The following DPYS variants were observed in gnomAD, a reference collection of about 807,000 sequenced individuals.
DPYS encodes dihydropyrimidine amidohydrolase.
In DPYS, 39 loss-of-function variants were observed where a neutral mutation model predicts 50.3. The ratio of observed to expected loss-of-function variants is 0.78; its 90% confidence interval spans 0.60 to 1.01. The LOEUF (loss-of-function observed/expected upper bound fraction) is 1.01. Among genes scored for constraint, DPYS ranks in the 50% least tolerant of loss-of-function variants. The pLI, the probability that DPYS is intolerant of heterozygous loss-of-function variation, is 0.00. For synonymous variants in DPYS, 245 were observed against 250.7 expected, an observed-to-expected ratio of 0.98 and a Z score of 0.22; for missense variants, 659 against 680.9, an observed-to-expected ratio of 0.97 and a Z score of 0.36.
In DPYS at chr8:104,386,018, A is replaced by G. The variant is rs570310917; in HGVS notation, c.1444-4704T>C. On this transcript the variant is annotated intron_variant, in intron 8 of 9. Coordinates refer to ENST00000351513, the MANE Select transcript of DPYS (RefSeq NM_001385.3). ...TAGGTGGCACCTCACCTAGCAGGAC[A>G]TCGGTGGTTTACTTTGGTAAATGAG... Among the ~76,000 whole-genome samples the G allele has an allele frequency of 2.0e-5, 3 of 152,354 alleles. No individual in the cohort carries two copies. The South Asian group carries it at 6.2e-4, about 32-fold the overall frequency.
In DPYS at chr8:104,379,724, C is replaced by G; in HGVS notation, c.*134G>C. ...TGCTTCTGAAAGAAAATCAAAGAAG[C>G]CTATAGTGGTGAATTTTTTCTAAAG... On this transcript the variant is annotated 3_prime_UTR_variant, in exon 10 of 10. Transcript: ENST00000351513. 3 of 450,796 alleles carry G rather than the reference C, an allele frequency of 6.7e-6. No homozygotes were observed. Among genetic ancestry groups the G allele is most frequent in the Middle Eastern group, 3.3e-4 (1 of 3,060 alleles). The allele number at this position is 450,796 out of a possible 1,614,324, so 27.9% of individuals were successfully genotyped here.
At chr8:104,395,673 C>T (rs918523019) in intron 7 of DPYS, among the ~76,000 whole-genome samples, 2 of 152,168 alleles carry the variant, frequency 1.3e-5, no homozygotes, top group Non-Finnish European at 2.9e-5. Context: ...TATGGACATA[C>T]CGCAGTGCTA....
rs763914910 is a variant in DPYS at position 104,424,318 on chromosome 8, G to A, written c.1164C>T (p.Leu388=). Residue 388 remains leucine (L), a synonymous_variant, in exon 7 of 10, where the codon CTC becomes CTT. Coordinates refer to ENST00000351513, the MANE Select transcript of DPYS (RefSeq NM_001385.3). ...CAGCTATTCTTCCTTTTCTTGGATA[G>A]AGATTAAAAATTTTGGCTGCATTTG... The part of the protein sequence containing the change: ...TSTNAAKIFN[L]YPRKGRIAVG... 3 of 1,614,100 alleles carry A rather than the reference G, an allele frequency of 1.9e-6. No homozygotes were observed. In the East Asian group the frequency reaches 6.7e-5, roughly 36 times the overall value.
At chr8:104,397,655 T>A (rs1811639389) in intron 7 of DPYS, among the ~76,000 whole-genome samples, 1 of 152,234 alleles carries the variant, frequency 6.6e-6, no homozygotes, top group South Asian at 2.1e-4. Context: ...CTAATACCTA[T>A]AAATACTTGG....
chr8:104,463,311 T>C (rs1421076665), intron 1 of DPYS, among the ~76,000 whole-genome samples: 1 of 152,252 alleles, frequency 6.6e-6, no homozygotes, highest in Non-Finnish European at 1.5e-5. Flanking sequence ...CTTATTTTGA[T>C]AACCTTAACT....
intron 4 of DPYS, among the ~76,000 whole-genome samples, chr8:104,439,589 C>A (rs1226078953): frequency 6.6e-6 from 1 of 152,084 alleles, no homozygotes; most frequent in Non-Finnish European, 1.5e-5. Flanking sequence ...TCAAGACCAG[C>A]TTGAACAACA....
chr8:104,446,489 T>C (rs1456395403), intron 3 of DPYS, among the ~76,000 whole-genome samples: 3 of 152,236 alleles, frequency 2.0e-5, no homozygotes, highest in Non-Finnish European at 4.4e-5. Context: ...ATTGGACCTG[T>C]TATCTTTCTT....
chr8:104,409,306 G>A (rs1217775135), intron 7 of DPYS, among the ~76,000 whole-genome samples: 1 of 151,252 alleles, frequency 6.6e-6, no homozygotes. Flanking sequence ...CCAACATAGT[G>A]AAACCCCGTC....
intron 6 of DPYS, among the ~76,000 whole-genome samples, chr8:104,424,701 G>A (rs1315134692): frequency 2.0e-5 from 3 of 152,032 alleles, no homozygotes; most frequent in African/African-American, 4.8e-5. Flanking sequence ...TGGTATTTTC[G>A]ATTCTCCTTT....
rs544948454 is a variant in DPYS at position 104,448,443 on chromosome 8, T to A, written c.424-940A>T. ...AGTGCTGGAATTACAGGCATGAGCC[T>A]CCGCGCCCAGCCTCAATAATTGCTT... On this transcript the variant is annotated intron_variant, in intron 2 of 9. Coordinates refer to ENST00000351513, the MANE Select transcript of DPYS (RefSeq NM_001385.3). 1.2e-4 allele frequency among the ~76,000 whole-genome samples: 18 copies of A among 152,190 alleles called. No homozygotes were observed. In the East Asian group the frequency reaches 3.5e-3, roughly 30 times the overall value.
intron 8 of DPYS, among the ~76,000 whole-genome samples, chr8:104,389,198 C>T (rs1410477657): frequency 1.3e-5 from 2 of 152,206 alleles, no homozygotes; most frequent in African/African-American, 2.4e-5. Flanking sequence ...GTAGGGACAA[C>T]AGATAAGCAA....
At chr8:104,413,423 G>T (rs191503747) in intron 7 of DPYS, among the ~76,000 whole-genome samples, 1 of 151,902 alleles carries the variant, frequency 6.6e-6, no homozygotes, top group African/African-American at 2.4e-5. Flanking sequence ...CACCAAATTG[G>T]GTAGTTGTTG....
rs905143037 is a variant in DPYS at position 104,466,798 on chromosome 8, A to G, written c.123T>C (p.Pro41=). The change falls in exon 1 of 10, where the codon CCT becomes CCC. Residue 41 remains proline, a synonymous_variant. Transcript: ENST00000351513. ...VVRALGHDLL[P]PGGAPAGLRV... ...GCAGCCCCGCAGGAGCGCCCCCGGG[A>G]GGCAGCAGGTCGTGCCCGAGTGCCC... 35 of 1,534,012 alleles carry G rather than the reference A, an allele frequency of 2.3e-5. No individual in the cohort carries two copies. The highest frequency in any genetic ancestry group is 3.1e-5 in the Non-Finnish European group (35 of 1,145,804).
At chr8:104,410,959 A>G (rs1812154181) in intron 7 of DPYS, among the ~76,000 whole-genome samples, 1 of 152,110 alleles carries the variant, frequency 6.6e-6, no homozygotes, top group Admixed American at 6.5e-5. Context: ...CCCCTTCCCA[A>G]GCCCAAACCA....
At chr8:104,399,915 G>T (rs563559341) in intron 7 of DPYS, among the ~76,000 whole-genome samples, 1 of 149,534 alleles carries the variant, frequency 6.7e-6, no homozygotes, top group African/African-American at 2.4e-5. Flanking sequence ...TCCTGCTTTG[G>T]AGATAATCTG....
chr8:104,463,859 T>C (rs1193802189), intron 1 of DPYS, among the ~76,000 whole-genome samples: 2 of 152,244 alleles, frequency 1.3e-5, no homozygotes, highest in African/African-American at 4.8e-5. Context: ...AAAATAACTC[T>C]ATAATGCCTT....
rs569208041 is a variant in DPYS, at chr8:104,445,873, G to A, written c.604-1436C>T. On this transcript the variant is annotated intron_variant, in intron 3 of 9. Transcript: ENST00000351513. ...ATCCTGGCTAACACGGGGAAACCCTGTCTCTACTAAAAATACAAACAATTA... is the reference window on the plus strand; with the variant it reads ...ATCCTGGCTAACACGGGGAAACCCTATCTCTACTAAAAATACAAACAATTA... 2.4e-4 allele frequency among the ~76,000 whole-genome samples: 36 copies of A among 152,070 alleles called. 1 individual carries two copies. The highest frequency in any genetic ancestry group is 2.1e-3 in the Admixed American group (32 of 15,260).
At chr8:104,430,180 T>A (rs2140649895) in intron 4 of DPYS, among the ~76,000 whole-genome samples, 1 of 152,312 alleles carries the variant, frequency 6.6e-6, no homozygotes, top group Middle Eastern at 3.4e-3. Context: ...TGATGACAGA[T>A]AATTATTAGT....
In DPYS at chr8:104,392,883, A is replaced by G. The variant is rs754726858; in HGVS notation, c.1344T>C (p.Tyr448=). ...LVTISRGKVV[Y]EAGVFSVTAG... ...CCGTGACACTGAACACTCCGGCTTC[A>G]TATACCACTTTGCCTCTTGAAATAG... The change falls in exon 8 of 10, where the codon TAT becomes TAC. Residue 448 remains tyrosine (Y), a synonymous_variant. Coordinates refer to ENST00000351513, the MANE Select transcript of DPYS (RefSeq NM_001385.3). 1 of 1,614,212 alleles carries G rather than the reference A, an allele frequency of 6.2e-7. No homozygotes were observed. The highest frequency in any genetic ancestry group is 1.1e-5 in the South Asian group (1 of 91,086).
Sources: gnomAD v4.1 joint callset for allele counts (sites outside exome capture counted in the v4.1 genomes callset) on GRCh38, gnomAD v4.1.1 for gene constraint, MANE v1.5 for transcripts, NCBI Gene and HGNC (gene_info 2026-07-23, HGNC 2026-07-21) for gene names.